Variants in RBM41 observed in about 807,000 individuals in gnomAD.
The protein encoded by RBM41 is RNA binding motif protein 41.
In RBM41, 14 loss-of-function variants were observed where a neutral mutation model predicts 30.8. The observed-to-expected ratio is 0.45, with a 90% CI of 0.30 to 0.71. The LOEUF (loss-of-function observed/expected upper bound fraction) is 0.71, where lower values mean the gene tolerates loss of function less well. Ranked by LOEUF, RBM41 falls within the 30% of genes least tolerant of loss-of-function variation. The probability of loss-of-function intolerance (pLI) is 0.08; values close to 1 mark genes in which losing one functional copy is unlikely to be tolerated. For missense variants in RBM41, 276 were observed against 326.3 expected (o/e 0.85, Z 1.19); for synonymous variants, 120 against 110.1 (o/e 1.09, Z -0.56).
In RBM41 at chrX:107,085,245, CT is replaced by C. The variant is rs1173983015; in HGVS notation, c.999+3190del. On this transcript the variant is annotated intron_variant, in intron 6 of 7. Transcript: ENST00000685964. ...GTATATTAGAATTCTTATTGTTTTT[CT>C]TTTTTTTCTTTTTCTTTTTTTTTTT... Among the ~76,000 whole-genome samples the C allele has an allele frequency of 4.3e-5, 4 of 92,900 alleles. No individual in the cohort carries two copies. The South Asian group carries it at 1.6e-3, about 36-fold the overall frequency. The allele number at this position is 92,900 out of a possible 115,157, so 80.7% of individuals were successfully genotyped here.
At chrX:107,069,841 A>G (rs189883985) in intron 6 of RBM41, 1 of 114,199 alleles carries the variant, frequency 8.8e-6, no homozygotes, top group African/African-American at 3.6e-5. Flanking sequence ...TTCCATCCAG[A>G]AAACTCTCTA....
At chrX:107,106,764 C>G (rs1292884062) in intron 5 of RBM41, among the ~76,000 whole-genome samples, 4 of 106,824 alleles carry the variant, frequency 3.7e-5, no homozygotes, top group Non-Finnish European at 7.7e-5. Context: ...CAAACTATTG[C>G]AAGGACAAAA....
At chrX:107,111,524 C>T (rs1002550449) in intron 5 of RBM41, among the ~76,000 whole-genome samples, 1 of 111,013 alleles carries the variant, frequency 9.0e-6, no homozygotes, top group African/African-American at 3.3e-5. Context: ...AGATGTGATC[C>T]AGCAATTCCA....
chrX:107,060,410 AATG>A (rs1935621860), downstream of RBM41, among the ~76,000 whole-genome samples: 2 of 110,274 alleles, frequency 1.8e-5, no homozygotes, highest in Non-Finnish European at 3.8e-5. Flanking sequence ...GATTGGGATC[AATG>A]ATGTTATAAA....
chrX:107,117,277 T>C (rs940737062), intron 1 of RBM41, among the ~76,000 whole-genome samples: 2 of 111,818 alleles, frequency 1.8e-5, no homozygotes, highest in Non-Finnish European at 3.8e-5. Flanking sequence ...TAATAAGAAG[T>C]AGTAATTTAT....
Position 107,066,147 on chromosome X carries a change from T to C in RBM41, c.*1380A>G, listed in dbSNP as rs1935828384. ...GAACACTTTGAATGTGTTATTCCAC[T>C]GCCACTGCCATTGTTTCTGAGGGGA... On this transcript the variant is annotated 3_prime_UTR_variant, in exon 8 of 8. Coordinates refer to ENST00000685964, the MANE Select transcript of RBM41 (RefSeq NM_001324242.2). 8.9e-6 allele frequency among the ~76,000 whole-genome samples: 1 copy of C among 112,327 alleles called. No individual in the cohort carries two copies. The highest frequency in any genetic ancestry group is 1.9e-5 in the Non-Finnish European group (1 of 53,204).
intron 5 of RBM41, among the ~76,000 whole-genome samples, chrX:107,103,608 T>C (rs1191509293): frequency 1.8e-5 from 2 of 111,887 alleles, no homozygotes; most frequent in African/African-American, 3.2e-5. Flanking sequence ...ACAGCAGCCC[T>C]AGGAAACTAA....
intron 6 of RBM41, among the ~76,000 whole-genome samples, chrX:107,086,871 C>CTATA (rs1922082305): frequency 8.9e-6 from 1 of 112,138 alleles, no homozygotes; most frequent in African/African-American, 3.2e-5. Flanking sequence ...CAATGGAATA[C>CTATA]TATATAGTTC....
intron 5 of RBM41, among the ~76,000 whole-genome samples, chrX:107,102,354 A>G (rs748648220): frequency 8.9e-6 from 1 of 111,857 alleles, no homozygotes; most frequent in South Asian, 3.8e-4. Flanking sequence ...CTGTTAAGAA[A>G]AAAGGGGACA....
In RBM41 at chrX:107,088,750, A is replaced by T. The variant is rs1341126873; in HGVS notation, c.685T>A (p.Phe229Ile). ...AAGGGTTCACCTCTCATAAGTTGAA[A>T]CTCTTCAAGACGTTTTTTCATTATC... The part of the protein sequence containing the change: ...EMIMKKRLEE[F>I]QLMRGEPFAS... Residue 229 changes from phenylalanine to isoleucine, a missense_variant, in exon 6 of 8, where the codon TTT (phenylalanine) becomes ATT (isoleucine). Transcript: ENST00000685964. The T allele has an allele frequency of 8.3e-7, 1 of 1,209,770 alleles. No individual in the cohort carries two copies. Among genetic ancestry groups the T allele is most frequent in the Admixed American group, 2.2e-5 (1 of 45,810 alleles).
chrX:107,116,548 A>G, intron 2 of RBM41, 102 bp downstream of exon 2: 10 of 1,109,645 alleles, frequency 9.0e-6, no homozygotes, highest in Non-Finnish European at 8.4e-6. Flanking sequence ...TCTAACAAAG[A>G]AAGGGAGGTG....
At position 107,097,246 on chromosome X, in the gene RBM41, A is replaced by G. The variant is rs1923055626; in HGVS notation, c.596-8407T>C. On this transcript the variant is annotated intron_variant, in intron 5 of 7. Transcript: ENST00000685964. ...TGAAAACATGTTCATACAAATGTTC[A>G]CGGCAACATTATTGATAATAGCTAA... Among the ~76,000 whole-genome samples, 3 of 112,272 alleles carry G rather than the reference A, an allele frequency of 2.7e-5. No individual in the cohort carries two copies. The South Asian group carries it at 1.1e-3, about 42-fold the overall frequency.
At chrX:107,115,761 T>C in intron 3 of RBM41, 101 bp downstream of exon 3, 1 of 1,019,758 alleles carries the variant, frequency 9.8e-7, no homozygotes, top group Non-Finnish European at 1.3e-6. Context: ...CTCAGTTTTG[T>C]GAGAACTAGA....
At chrX:107,091,081 T>TA (rs1294812139) in intron 5 of RBM41, among the ~76,000 whole-genome samples, 1 of 111,342 alleles carries the variant, frequency 9.0e-6, no homozygotes, top group East Asian at 2.8e-4. Context: ...GTTCTTGTGT[T>TA]AGTTTGTTGA....
intron 1 of RBM41, among the ~76,000 whole-genome samples, chrX:107,118,474 A>C (rs1278153610): frequency 9.0e-6 from 1 of 110,876 alleles, no homozygotes; most frequent in Non-Finnish European, 1.9e-5. Flanking sequence ...CCTTTTGCCC[A>C]GCTGGGTCCG....
At chrX:107,105,669 G>C (rs1197876722) in intron 5 of RBM41, among the ~76,000 whole-genome samples, 1 of 110,950 alleles carries the variant, frequency 9.0e-6, no homozygotes, top group Non-Finnish European at 1.9e-5. Context: ...CCAAAACAGA[G>C]ATATAGACCA....
intron 6 of RBM41, among the ~76,000 whole-genome samples, chrX:107,074,164 T>C (rs1828846699): frequency 9.0e-6 from 1 of 111,707 alleles, no homozygotes; most frequent in Non-Finnish European, 1.9e-5. Context: ...CTTAAGATAG[T>C]AGATAAGCTA....
intron 5 of RBM41, among the ~76,000 whole-genome samples, chrX:107,099,922 C>T (rs754995689): frequency 1.8e-5 from 2 of 111,878 alleles, no homozygotes; most frequent in South Asian, 3.8e-4. Context: ...AGGAGATACA[C>T]AATTAAGTAT....
At chrX:107,080,843 T>G (rs144490884) in intron 6 of RBM41, among the ~76,000 whole-genome samples, 204 of 111,909 alleles carry the variant, frequency 1.8e-3, no homozygotes, top group Non-Finnish European at 2.2e-3. Context: ...TGTTTGTTCT[T>G]ATTTTTTACC....
Sources: gnomAD v4.1 joint callset for allele counts (sites outside exome capture counted in the v4.1 genomes callset) on GRCh38, gnomAD v4.1.1 for gene constraint, MANE v1.5 for transcripts, NCBI Gene and HGNC (gene_info 2026-07-23, HGNC 2026-07-21) for gene names.